CAST: variants seen among roughly 807,000 people sequenced by gnomAD.
The protein encoded by CAST is MIR583 host.
CAST carries 76 observed loss-of-function variants against 119.6 expected under a neutral mutation model. The ratio of observed to expected loss-of-function variants is 0.64; its 90% CI spans 0.53 to 0.77. The LOEUF (loss-of-function observed/expected upper bound fraction) is 0.77. Ranked by LOEUF, CAST falls within the 30% of genes least tolerant of loss-of-function variation. The pLI is 0.00. For synonymous variants in CAST, 319 were observed against 331.6 expected (o/e 0.96, Z 0.41); for missense variants, 953 against 946.5 (o/e 1.01, Z -0.09).
chr5:96,412,678 G>A, the CAST span, among the ~76,000 whole-genome samples: 1 of 148,872 alleles, frequency 6.7e-6, no homozygotes, highest in Non-Finnish European at 1.5e-5. Flanking sequence ...ACATGTTGCT[G>A]CCCCCATAAG....
the CAST span, among the ~76,000 whole-genome samples, chr5:96,047,177 C>G: frequency 3.9e-5 from 6 of 152,156 alleles, no homozygotes; most frequent in Non-Finnish European, 8.8e-5. Context: ...GCAAGTTCTT[C>G]AAAACAAATA....
chr5:96,326,064 A>G, the CAST span, among the ~76,000 whole-genome samples: 63 of 152,324 alleles, frequency 4.1e-4, no homozygotes, highest in South Asian at 2.5e-3. Flanking sequence ...AACCAAACCA[A>G]GAACTTGGAT....
the CAST span, among the ~76,000 whole-genome samples, chr5:96,133,197 C>A: frequency 2.0e-5 from 3 of 151,750 alleles, no homozygotes; most frequent in Non-Finnish European, 4.4e-5. Flanking sequence ...TGTGACCAGA[C>A]AAAACAAAAG....
At chr5:96,225,882 C>A in the CAST span, among the ~76,000 whole-genome samples, 3 of 151,932 alleles carry the variant, frequency 2.0e-5, no homozygotes, top group Non-Finnish European at 4.4e-5. Flanking sequence ...TAATTCTTGC[C>A]CCCCGCCTCA....
the CAST span, among the ~76,000 whole-genome samples, chr5:96,503,314 A>G: frequency 5.1e-3 from 783 of 152,230 alleles, 3 homozygotes; most frequent in Middle Eastern, 0.01. Flanking sequence ...CTTGTTCACA[A>G]TATATTCTCC....
At chr5:96,173,303 T>C in the CAST span, among the ~76,000 whole-genome samples, 1 of 152,240 alleles carries the variant, frequency 6.6e-6, no homozygotes, top group Admixed American at 6.5e-5. Flanking sequence ...TATGCCATCA[T>C]ATTATTTGCA....
the CAST span, among the ~76,000 whole-genome samples, chr5:96,498,894 C>T: frequency 6.6e-6 from 1 of 152,044 alleles, no homozygotes; most frequent in Non-Finnish European, 1.5e-5. Flanking sequence ...CTTTTGAACT[C>T]AAGACCACTA....
At chr5:96,070,885 A>G in the CAST span, among the ~76,000 whole-genome samples, 14 of 152,218 alleles carry the variant, frequency 9.2e-5, no homozygotes, top group African/African-American at 2.9e-4. Flanking sequence ...TGCTCGCCCA[A>G]GGACTAAGGA....
At chr5:96,250,198 T>G in the CAST span, among the ~76,000 whole-genome samples, 1 of 152,198 alleles carries the variant, frequency 6.6e-6, no homozygotes, top group African/African-American at 2.4e-5. Flanking sequence ...GTTAGAAATT[T>G]TATTTAGTTG....
chr5:96,159,979 A>G, the CAST span, among the ~76,000 whole-genome samples: 1 of 151,876 alleles, frequency 6.6e-6, no homozygotes, highest in Non-Finnish European at 1.5e-5. Flanking sequence ...AAAAAAAAAA[A>G]AAAATCAAAA....
chr5:96,364,802 G>T, the CAST span, among the ~76,000 whole-genome samples: 6 of 152,126 alleles, frequency 3.9e-5, no homozygotes, highest in Non-Finnish European at 7.4e-5. Context: ...TTTTGGAAGG[G>T]TTTTTTGTGT....
the CAST span, among the ~76,000 whole-genome samples, chr5:96,278,224 G>C: frequency 6.6e-6 from 1 of 152,084 alleles, no homozygotes; most frequent in African/African-American, 2.4e-5. Flanking sequence ...CCTCATCTGT[G>C]GGGGAGTGGT....
chr5:96,634,723 A>G (rs1364779979), intron 1 of CAST, among the ~76,000 whole-genome samples: 1 of 152,254 alleles, frequency 6.6e-6, no homozygotes, highest in African/African-American at 2.4e-5. Context: ...ATATTCTGCA[A>G]GGATATAATA....
the CAST span, among the ~76,000 whole-genome samples, chr5:96,367,668 T>G: frequency 1.8e-4 from 28 of 152,228 alleles, no homozygotes; most frequent in African/African-American, 6.5e-4. Context: ...CTAAGACCAT[T>G]GGAAAAGCAC....
chr5:96,268,970 T>C, the CAST span, among the ~76,000 whole-genome samples: 1 of 152,168 alleles, frequency 6.6e-6, no homozygotes, highest in Admixed American at 6.5e-5. Context: ...GGTTTAAAAG[T>C]GTGGCAGTTA....
chr5:96,234,536 G>A, the CAST span, among the ~76,000 whole-genome samples: 2 of 152,096 alleles, frequency 1.3e-5, no homozygotes, highest in Non-Finnish European at 2.9e-5. Context: ...CCACAGTTGG[G>A]GCAGCCTCTC....
chr5:96,101,660 C>A, the CAST span, among the ~76,000 whole-genome samples: 1 of 152,278 alleles, frequency 6.6e-6, no homozygotes, highest in South Asian at 2.1e-4. Flanking sequence ...ACCCACCGCA[C>A]AGACAAATGG....
chr5:96,311,277 C>T, the CAST span, among the ~76,000 whole-genome samples: 3 of 151,862 alleles, frequency 2.0e-5, no homozygotes, highest in Non-Finnish European at 2.9e-5. Flanking sequence ...TTATTGCGAT[C>T]AGAAAGATAC....
chr5:96,429,350 C>T, the CAST span: 19 of 1,207,368 alleles, frequency 1.6e-5, no homozygotes, highest in East Asian at 4.7e-5. Context: ...TAAATATCCA[C>T]GTTCCCAAAC....
Sources: allele counts gnomAD v4.1 joint callset (sites outside exome capture counted in the v4.1 genomes callset), GRCh38; gene constraint gnomAD v4.1.1; transcripts MANE v1.5; gene names NCBI Gene and HGNC (gene_info 2026-07-23, HGNC 2026-07-21).